MBOAT1: variants seen among roughly 807,000 people sequenced by gnomAD.
MBOAT1 encodes membrane-bound glycerophospholipid O-acyltransferase 1.
Under a neutral mutation model 64.4 loss-of-function variants are expected in MBOAT1, and 67 were observed. The observed-to-expected ratio is 1.04, with a 90% CI of 0.85 to 1.27. The LOEUF is 1.27. MBOAT1 is among the 50% of genes most tolerant of loss of function. MBOAT1 has a pLI of 0.00. For synonymous variants in MBOAT1, 229 were observed against 218.9 expected, an observed-to-expected ratio of 1.05 and a Z score of -0.41; for missense variants, 563 against 604.6, an observed-to-expected ratio of 0.93 and a Z score of 0.72.
intron 1 of MBOAT1, among the ~76,000 whole-genome samples, chr6:20,193,786 T>C (rs1762875840): frequency 6.6e-6 from 1 of 151,884 alleles, no homozygotes; most frequent in Admixed American, 6.6e-5. Context: ...TTTGTATTTT[T>C]AGTAAAGATG....
At chr6:20,193,673 C>T (rs1762872550) in intron 1 of MBOAT1, among the ~76,000 whole-genome samples, 1 of 146,004 alleles carries the variant, frequency 6.8e-6, no homozygotes, top group African/African-American at 2.6e-5. Context: ...GTGGCACAAT[C>T]TCTGCTCACT....
chr6:20,208,310 G>C (rs1035330822), intron 1 of MBOAT1, among the ~76,000 whole-genome samples: 5 of 151,950 alleles, frequency 3.3e-5, no homozygotes, highest in African/African-American at 1.2e-4. Context: ...GCCGGGTATG[G>C]TGGCGCGCTC....
chr6:20,138,505 T>A (rs1338056222), intron 4 of MBOAT1, among the ~76,000 whole-genome samples: 3 of 152,202 alleles, frequency 2.0e-5, no homozygotes, highest in Admixed American at 6.5e-5. Flanking sequence ...AACCCCCAAA[T>A]CCACGATGTT....
intron 3 of MBOAT1, among the ~76,000 whole-genome samples, chr6:20,146,702 T>A (rs1761334336): frequency 6.6e-6 from 1 of 152,178 alleles, no homozygotes; most frequent in Admixed American, 6.5e-5. Flanking sequence ...AGGAGTTAGA[T>A]CTGTACCTTA....
chr6:20,122,986 T>C (rs1177094279), intron 8 of MBOAT1, among the ~76,000 whole-genome samples: 1 of 151,866 alleles, frequency 6.6e-6, no homozygotes, highest in Non-Finnish European at 1.5e-5. Context: ...AGCTGGGATT[T>C]TCCTAGTAAT....
chr6:20,116,014 G>A (rs1327837690), intron 9 of MBOAT1, among the ~76,000 whole-genome samples: 2 of 151,882 alleles, frequency 1.3e-5, no homozygotes, highest in Admixed American at 1.3e-4. Flanking sequence ...AAAGAAAAAG[G>A]TCTTATCCAA....
intron 1 of MBOAT1, among the ~76,000 whole-genome samples, chr6:20,186,848 C>T (rs1271935922): frequency 6.6e-6 from 1 of 152,158 alleles, no homozygotes; most frequent in African/African-American, 2.4e-5. Flanking sequence ...GTTAATTTAA[C>T]AGGTTCTACA....
In MBOAT1 at chr6:20,141,506, C is replaced by T. The variant is rs146736289; in HGVS notation, c.419+2714G>A. On this transcript the variant is annotated intron_variant, in intron 4 of 12. Transcript: ENST00000324607. ...TCCTGAGTAGCTGGGACTACAAGCA[C>T]GCACCATCACACCCAGCTAATTTGT... Among the ~76,000 whole-genome samples, 934 of 151,862 alleles carry T rather than the reference C, an allele frequency of 6.2e-3. 4 individuals are homozygous for T. The highest frequency in any genetic ancestry group is 0.021 in the African/African-American group (859 of 41,408).
intron 11 of MBOAT1, among the ~76,000 whole-genome samples, chr6:20,111,849 T>TATATATACATATATATATAC (rs1361087679): frequency 1.2e-5 from 1 of 80,232 alleles, no homozygotes; most frequent in African/African-American, 4.5e-5. Flanking sequence ...TATATATACA[T>TATATATACATATATATATAC]ATATATATAC....
chr6:20,192,131 C>T (rs1416791005), intron 1 of MBOAT1, among the ~76,000 whole-genome samples: 3 of 152,248 alleles, frequency 2.0e-5, no homozygotes, highest in East Asian at 1.9e-4. Flanking sequence ...TAAGAACTAA[C>T]GTTTACCTGA....
intron 1 of MBOAT1, among the ~76,000 whole-genome samples, chr6:20,204,222 T>G (rs1483700549): frequency 1.3e-5 from 2 of 152,196 alleles, no homozygotes; most frequent in Admixed American, 6.5e-5. Context: ...CCCCTAGCAC[T>G]GTCTCAGGAG....
chr6:20,144,279 T>C lies in MBOAT1; in HGVS notation c.360A>G (p.Ile120Met). The C allele has an allele frequency of 6.2e-7, 1 of 1,612,660 alleles. No individual in the cohort carries two copies. Among genetic ancestry groups the C allele is most frequent in the Non-Finnish European group, 8.5e-7 (1 of 1,179,192 alleles). Residue 120 changes from isoleucine to methionine, a missense_variant, in exon 4 of 13, where the codon ATA becomes ATG. Ile to Met is a conservative substitution (Grantham distance 10). Coordinates refer to ENST00000324607, the MANE Select transcript of MBOAT1 (RefSeq NM_001080480.3). Reference sequence around the variant, plus strand: ...AGATGTATATTCGGCTGATGTGGCATATTGTAAGATATCCCATTGCTACAA... The same window carrying C: ...AGATGTATATTCGGCTGATGTGGCACATTGTAAGATATCCCATTGCTACAA... ...SFFVAMGYLTICHISRIYIFH... is the reference protein window; with the variant it reads ...SFFVAMGYLTMCHISRIYIFH...
In MBOAT1 at chr6:20,178,875, T is replaced by C. The variant is rs1048292223; in HGVS notation, c.100-26106A>G. Among the ~76,000 whole-genome samples, 2 of 152,026 alleles carry C rather than the reference T, an allele frequency of 1.3e-5. 1 individual carries two copies. Among genetic ancestry groups the C allele is most frequent in the Non-Finnish European group, 2.9e-5 (2 of 68,002 alleles). On this transcript the variant is annotated intron_variant, in intron 1 of 12. Coordinates refer to ENST00000324607, the MANE Select transcript of MBOAT1 (RefSeq NM_001080480.3). ...CTTTCTAACTAGGAAAATCAGAAGA[T>C]CGTATTAATGATCCATAAAATTCTA...
At chr6:20,201,784 G>A (rs1050632096) in intron 1 of MBOAT1, among the ~76,000 whole-genome samples, 2 of 151,966 alleles carry the variant, frequency 1.3e-5, no homozygotes, top group Non-Finnish European at 2.9e-5. Context: ...GTTTCACCAT[G>A]TTGGCCAAGC....
At chr6:20,189,352 A>T (rs888961636) in intron 1 of MBOAT1, among the ~76,000 whole-genome samples, 17 of 152,208 alleles carry the variant, frequency 1.1e-4, no homozygotes, top group African/African-American at 4.1e-4. Context: ...CCTCACACAC[A>T]TCATTTATTT....
chr6:20,105,303 A>G (rs542938659), intron 12 of MBOAT1, among the ~76,000 whole-genome samples: 4 of 152,362 alleles, frequency 2.6e-5, no homozygotes, highest in Admixed American at 6.5e-5. Context: ...CTCTTCTGAC[A>G]TTTCATATTT....
intron 4 of MBOAT1, among the ~76,000 whole-genome samples, chr6:20,142,204 TA>T (rs895571542): frequency 6.6e-6 from 1 of 152,160 alleles, no homozygotes; most frequent in Admixed American, 6.5e-5. Context: ...CTGGATACCT[TA>T]AAGAAAAGAA....
chr6:20,178,878 T>C (rs1431354826), intron 1 of MBOAT1, among the ~76,000 whole-genome samples: 1 of 152,104 alleles, frequency 6.6e-6, no homozygotes, highest in Non-Finnish European at 1.5e-5. Flanking sequence ...CAGAAGATCG[T>C]ATTAATGATC....
At chr6:20,203,818 A>G (rs1331264111) in intron 1 of MBOAT1, among the ~76,000 whole-genome samples, 2 of 150,858 alleles carry the variant, frequency 1.3e-5, no homozygotes, top group African/African-American at 4.9e-5. Context: ...AAAAAAAAAT[A>G]GGAGATTCAC....
Sources: gnomAD v4.1 joint callset for allele counts (sites outside exome capture counted in the v4.1 genomes callset) on GRCh38, gnomAD v4.1.1 for gene constraint, MANE v1.5 for transcripts, NCBI Gene and HGNC (gene_info 2026-07-23, HGNC 2026-07-21) for gene names.